The following SPPL3 variants were observed in gnomAD, a reference collection of about 807,000 sequenced individuals.
SPPL3 encodes the protein signal peptide peptidase like 3.
In SPPL3, 5 loss-of-function variants were observed where a neutral mutation model predicts 42.4. The observed-to-expected ratio is 0.12, with a 90% confidence interval of 0.06 to 0.25. SPPL3 has a LOEUF of 0.25. SPPL3 is among the 10% of genes least tolerant of loss of function. The pLI is 1.00. For synonymous variants in SPPL3, 195 were observed against 181.8 expected, an observed-to-expected ratio of 1.07 and a Z score of -0.58; for missense variants, 235 against 489.0, an observed-to-expected ratio of 0.48 and a Z score of 4.90.
intron 6 of SPPL3, among the ~76,000 whole-genome samples, chr12:120,781,498 T>C (rs1354757772): frequency 3.3e-5 from 5 of 149,976 alleles, no homozygotes; most frequent in Admixed American, 6.7e-5. Context: ...ACATATATAA[T>C]ATAGAGCATA....
At chr12:120,877,781 T>TAAAAAA (rs201989284) in intron 1 of SPPL3, among the ~76,000 whole-genome samples, 1 of 130,140 alleles carries the variant, frequency 7.7e-6, no homozygotes, top group Non-Finnish European at 1.6e-5. Context: ...AACTCCGTCT[T>TAAAAAA]AAAAAAAAAA....
intron 1 of SPPL3, among the ~76,000 whole-genome samples, chr12:120,873,804 G>A (rs747150743): frequency 3.3e-5 from 5 of 151,912 alleles, no homozygotes; most frequent in Non-Finnish European, 5.9e-5. Flanking sequence ...ACCGGGAGGC[G>A]GAGGTTGCAG....
intron 1 of SPPL3, among the ~76,000 whole-genome samples, chr12:120,853,166 G>T (rs1755653015): frequency 6.6e-6 from 1 of 152,020 alleles, no homozygotes; most frequent in East Asian, 1.9e-4. Context: ...CAAAGTGCTG[G>T]GATTACAGGC....
intron 1 of SPPL3, among the ~76,000 whole-genome samples, chr12:120,856,334 T>C (rs1872455944): frequency 6.6e-6 from 1 of 151,428 alleles, no homozygotes; most frequent in Non-Finnish European, 1.5e-5. Context: ...TTTGTGGTCT[T>C]GAGGATGTGA....
chr12:120,764,650 G>T lies in SPPL3; in HGVS notation c.*349C>A, dbSNP rs953176770. 2.6e-6 allele frequency: 1 copy of T among 391,058 alleles called. No homozygotes were observed. The highest frequency in any genetic ancestry group is 4.5e-6 in the Non-Finnish European group (1 of 221,628). The allele number at this position is 391,058 out of a possible 1,614,324, so 24.2% of individuals were successfully genotyped here. Reference sequence around the variant, plus strand: ...ATCCTTTTAGTGTTCAAAAGTTCTAGAAAGACTCCTCGCTGTTTTCAGTTT... The same window carrying T: ...ATCCTTTTAGTGTTCAAAAGTTCTATAAAGACTCCTCGCTGTTTTCAGTTT... On this transcript the variant is annotated 3_prime_UTR_variant, in exon 11 of 11. Transcript: ENST00000353487.
chr12:120,826,292 CAAAAAAAAAAAA>C (rs11341939), intron 1 of SPPL3, among the ~76,000 whole-genome samples: 6 of 118,644 alleles, frequency 5.1e-5, no homozygotes, highest in African/African-American at 1.9e-4. Context: ...AAACTGTCTC[CAAAAAAAAAAAA>C]AAAAAAAGAA....
In SPPL3 at chr12:120,792,536, C is replaced by T. The variant is rs192244184; in HGVS notation, c.102-979G>A. 2.0e-5 allele frequency among the ~76,000 whole-genome samples: 3 copies of T among 151,834 alleles called. No homozygotes were observed. In the East Asian group the frequency reaches 5.8e-4, roughly 29 times the overall value. ...CCAACATGGTGAAACCCCGTTTCTA[C>T]TAAAAATACAAAAATTTGCTGGGCG... On this transcript the variant is annotated intron_variant, in intron 2 of 10. Transcript: ENST00000353487.
intron 1 of SPPL3, among the ~76,000 whole-genome samples, chr12:120,899,412 A>G (rs1873904482): frequency 6.6e-6 from 1 of 152,158 alleles, no homozygotes; most frequent in Non-Finnish European, 1.5e-5. Context: ...CCTGAAATTC[A>G]GTGTCATATT....
chr12:120,883,479 T>G (rs986406105), intron 1 of SPPL3, among the ~76,000 whole-genome samples: 23 of 152,100 alleles, frequency 1.5e-4, no homozygotes. Context: ...GCACTCACCA[T>G]AAAAGATAAT....
At chr12:120,844,813 C>T (rs77116910) in intron 1 of SPPL3, among the ~76,000 whole-genome samples, 6 of 151,576 alleles carry the variant, frequency 4.0e-5, no homozygotes, top group African/African-American at 4.9e-5. Flanking sequence ...CAAGGGCCCA[C>T]GGGCCTACAT....
intron 1 of SPPL3, among the ~76,000 whole-genome samples, chr12:120,817,615 T>G (rs1336263823): frequency 6.6e-6 from 1 of 152,160 alleles, no homozygotes; most frequent in Non-Finnish European, 1.5e-5. Context: ...TAGGGTCTTT[T>G]TAAAAAATGT....
intron 1 of SPPL3, among the ~76,000 whole-genome samples, chr12:120,880,342 C>T (rs1873240340): frequency 1.3e-5 from 2 of 151,970 alleles, no homozygotes. Context: ...AAGAGAAGGG[C>T]TTCATGACAT....
intron 6 of SPPL3, 197 bp from the exon 7 acceptor site, chr12:120,769,256 G>A (rs1869024189): frequency 2.0e-6 from 1 of 505,262 alleles, no homozygotes; most frequent in Non-Finnish European, 3.6e-6. Context: ...TGGAATTTGG[G>A]GTGATTGCTT....
intron 1 of SPPL3, among the ~76,000 whole-genome samples, chr12:120,820,306 A>ATTG (rs1871020078): frequency 2.0e-5 from 2 of 100,998 alleles, no homozygotes; most frequent in African/African-American, 8.2e-5. Context: ...CTTTCTCTAA[A>ATTG]TTTTTTTTTT....
intron 1 of SPPL3, among the ~76,000 whole-genome samples, chr12:120,827,328 CAATAAT>C (rs71076662): frequency 0.65 from 94,474 of 145,446 alleles, 31,058 homozygotes; most frequent in East Asian, 0.84. Flanking sequence ...ATAACAGGAA[CAATAAT>C]AATAATAATA....
chr12:120,834,747 T>C (rs1871549802), intron 1 of SPPL3, among the ~76,000 whole-genome samples: 1 of 152,218 alleles, frequency 6.6e-6, no homozygotes. Flanking sequence ...TAACCTTTTG[T>C]GTTTCCCTTT....
chr12:120,818,900 AC>A (rs1870965565), intron 1 of SPPL3, among the ~76,000 whole-genome samples: 1 of 152,282 alleles, frequency 6.6e-6, no homozygotes, highest in Non-Finnish European at 1.5e-5. Flanking sequence ...ATTTTCCAAA[AC>A]AAAACAGAAC....
At chr12:120,842,832 T>A (rs984992754) in intron 1 of SPPL3, among the ~76,000 whole-genome samples, 3 of 151,940 alleles carry the variant, frequency 2.0e-5, no homozygotes, top group Admixed American at 2.0e-4. Flanking sequence ...AGGGGACACA[T>A]TCAGACCACA....
Position 120,825,647 on chromosome 12 carries a change from G to A in SPPL3, c.24-14761C>T, listed in dbSNP as rs141806132. Reference sequence around the variant, plus strand: ...GGGGTTAAATTATGGTGTACTTGAAGTCAAGGTTTGTTAGCAGGATTTTAG... The same window carrying A: ...GGGGTTAAATTATGGTGTACTTGAAATCAAGGTTTGTTAGCAGGATTTTAG... On this transcript the variant is annotated intron_variant, in intron 1 of 10. Coordinates refer to ENST00000353487, the MANE Select transcript of SPPL3 (RefSeq NM_139015.5). Among the ~76,000 whole-genome samples the A allele has an allele frequency of 3.2e-4, 49 of 152,326 alleles. 1 individual carries two copies. In the East Asian group the frequency reaches 8.7e-3, roughly 27 times the overall value.
Sources: gnomAD v4.1 joint callset for allele counts (sites outside exome capture counted in the v4.1 genomes callset) on GRCh38, gnomAD v4.1.1 for gene constraint, MANE v1.5 for transcripts, NCBI Gene and HGNC (gene_info 2026-07-23, HGNC 2026-07-21) for gene names.